The following GPHN variants were observed in gnomAD, a reference collection of about 807,000 sequenced individuals.
GPHN encodes the protein gephyrin.
GPHN carries 17 observed loss-of-function variants against 95.5 expected under a neutral mutation model. The ratio of observed to expected loss-of-function variants is 0.18; its 90% CI spans 0.12 to 0.27. GPHN has a LOEUF of 0.27. GPHN is among the 10% of genes least tolerant of loss of function. The pLI is 1.00. For synonymous variants in GPHN, 320 were observed against 322.5 expected, an observed-to-expected ratio of 0.99 and a Z score of 0.08; for missense variants, 660 against 978.1, an observed-to-expected ratio of 0.67 and a Z score of 4.34.
chr14:67,380,125 T>C, the GPHN span, among the ~76,000 whole-genome samples: 2 of 152,180 alleles, frequency 1.3e-5, no homozygotes, highest in Admixed American at 6.5e-5. Context: ...TCTTTTAGTC[T>C]TTATTTCATA....
intron 2 of GPHN, among the ~76,000 whole-genome samples, chr14:66,721,019 G>A (rs1166728040): frequency 6.6e-6 from 1 of 152,216 alleles, no homozygotes; most frequent in Non-Finnish European, 1.5e-5. Context: ...ACCCTTTTCA[G>A]TTTATTTAGT....
the GPHN span, among the ~76,000 whole-genome samples, chr14:67,284,943 A>G: frequency 0.31 from 47,130 of 151,906 alleles, 11,187 homozygotes; most frequent in African/African-American, 0.64. Context: ...TAGAGACGGG[A>G]TCTCACTGTG....
At chr14:67,656,482 C>G in the GPHN span, 78 of 1,613,770 alleles carry the variant, frequency 4.8e-5, no homozygotes, top group Middle Eastern at 1.7e-4. Flanking sequence ...CTGAGCCAAT[C>G]TGGTCAGTCT....
intron 12 of GPHN, among the ~76,000 whole-genome samples, chr14:67,094,176 T>C (rs1037175593): frequency 1.3e-5 from 2 of 152,158 alleles, no homozygotes; most frequent in Admixed American, 1.3e-4. Flanking sequence ...CCATGGCAGA[T>C]GATTTGAAGA....
intron 3 of GPHN, among the ~76,000 whole-genome samples, chr14:66,824,014 G>A (rs759936643): frequency 2.0e-5 from 3 of 152,092 alleles, no homozygotes; most frequent in Admixed American, 1.3e-4. Flanking sequence ...TATAAACTAG[G>A]TGTGTAATTT....
At chr14:67,302,283 A>G in the GPHN span, 10 of 1,062,976 alleles carry the variant, frequency 9.4e-6, no homozygotes, top group Non-Finnish European at 1.0e-5. Context: ...CTAGTTGTGT[A>G]AATAAATTTT....
chr14:66,943,822 G>T (rs1314796667), intron 8 of GPHN, among the ~76,000 whole-genome samples: 1 of 152,110 alleles, frequency 6.6e-6, no homozygotes, highest in East Asian at 1.9e-4. Context: ...CTCCTAATTG[G>T]ATTATTGGAT....
At chr14:67,176,376 C>T (rs747758453) in intron 21 of GPHN, among the ~76,000 whole-genome samples, 12 of 152,108 alleles carry the variant, frequency 7.9e-5, no homozygotes, top group Non-Finnish European at 1.6e-4. Flanking sequence ...TGATGGATTA[C>T]GTCTATTGAT....
chr14:66,777,149 C>T (rs1352271320), intron 3 of GPHN, among the ~76,000 whole-genome samples: 1 of 151,546 alleles, frequency 6.6e-6, no homozygotes, highest in African/African-American at 2.4e-5. Context: ...ATATCACCAC[C>T]GATCCCGCAG....
chr14:67,556,013 G>A, the GPHN span: 3 of 1,257,350 alleles, frequency 2.4e-6, no homozygotes, highest in Non-Finnish European at 3.4e-6. Flanking sequence ...GAACAAATGA[G>A]TGTGCGTGGA....
At chr14:67,150,249 C>T (rs1018749977) in intron 18 of GPHN, among the ~76,000 whole-genome samples, 1 of 151,160 alleles carries the variant, frequency 6.6e-6, no homozygotes, top group East Asian at 1.9e-4. Flanking sequence ...GAGACCATCC[C>T]GGCTAAAACG....
chr14:67,692,539 T>A, the GPHN span: 13 of 1,611,520 alleles, frequency 8.1e-6, no homozygotes, highest in South Asian at 3.3e-5. Flanking sequence ...CTGGATCTCT[T>A]TGGCCACCAA....
chr14:67,541,989 A>T, the GPHN span: 1 of 1,604,558 alleles, frequency 6.2e-7, no homozygotes, highest in Non-Finnish European at 8.5e-7. Context: ...CTGCTGGCTG[A>T]CAAGGTGAGT....
Position 66,960,744 on chromosome 14 carries a change from T to A in GPHN, c.829-4447T>A, listed in dbSNP as rs949408454. On this transcript the variant is annotated intron_variant, in intron 8 of 22. Transcript: ENST00000478722. ...CTGCTGGTATAGAGTCTCAAATTTA[T>A]CCACAAGTGAGAGAATAGAACCTTC... Among the ~76,000 whole-genome samples the A allele has an allele frequency of 3.3e-5, 5 of 152,106 alleles. No individual in the cohort carries two copies. In the South Asian group the frequency reaches 1.0e-3, roughly 32 times the overall value.
At chr14:66,889,586 A>G (rs2064367526) in intron 5 of GPHN, among the ~76,000 whole-genome samples, 3 of 152,194 alleles carry the variant, frequency 2.0e-5, no homozygotes, top group Non-Finnish European at 4.4e-5. Context: ...AAAATGCAAC[A>G]TACCAAAACT....
chr14:67,253,182 G>C, the GPHN span, among the ~76,000 whole-genome samples: 1 of 152,182 alleles, frequency 6.6e-6, no homozygotes, highest in East Asian at 1.9e-4. Context: ...GCAGAATGGG[G>C]ATGCTTAATT....
chr14:67,513,438 C>T, the GPHN span, among the ~76,000 whole-genome samples: 1 of 152,200 alleles, frequency 6.6e-6, no homozygotes, highest in Non-Finnish European at 1.5e-5. Context: ...TCCTGCTACT[C>T]CTTATTGGTC....
At chr14:67,685,804 C>A in the GPHN span, among the ~76,000 whole-genome samples, 1 of 151,782 alleles carries the variant, frequency 6.6e-6, no homozygotes, top group African/African-American at 2.4e-5. Context: ...TTAGTGGAGA[C>A]GGGATTTCAT....
chr14:67,416,514 C>G, the GPHN span, among the ~76,000 whole-genome samples: 1 of 152,214 alleles, frequency 6.6e-6, no homozygotes, highest in Non-Finnish European at 1.5e-5. Context: ...GAGACAGGAG[C>G]TAGAAGTACA....
Sources: allele counts gnomAD v4.1 joint callset (sites outside exome capture counted in the v4.1 genomes callset), GRCh38; gene constraint gnomAD v4.1.1; transcripts MANE v1.5; gene names NCBI Gene and HGNC (gene_info 2026-07-23, HGNC 2026-07-21).